The following CORO2B variants were observed in gnomAD, a reference collection of about 807,000 sequenced individuals.
The protein encoded by CORO2B is coronin-2B.
CORO2B carries 26 observed loss-of-function variants against 58.8 expected under a neutral mutation model. That is an observed-to-expected ratio of 0.44 (90% confidence interval 0.32 to 0.61). The LOEUF (loss-of-function observed/expected upper bound fraction) is 0.61. Ranked by LOEUF, CORO2B falls within the 20% of genes least tolerant of loss-of-function variation. CORO2B has a pLI of 0.04. For missense variants in CORO2B, 460 were observed against 645.1 expected (o/e 0.71, Z 3.11); for synonymous variants, 242 against 253.8 (o/e 0.95, Z 0.44).
At chr15:68,707,667 A>G (rs1892814461) in intron 3 of CORO2B, among the ~76,000 whole-genome samples, 1 of 152,238 alleles carries the variant, frequency 6.6e-6, no homozygotes, top group Non-Finnish European at 1.5e-5. Flanking sequence ...CTGGGTAAAA[A>G]GAAAGAAGTG....
At chr15:68,567,131 G>A in the CORO2B span, among the ~76,000 whole-genome samples, 1 of 152,186 alleles carries the variant, frequency 6.6e-6, no homozygotes, top group African/African-American at 2.4e-5. Flanking sequence ...AAATAGTTCT[G>A]TCTCACAGCA....
the CORO2B span, among the ~76,000 whole-genome samples, chr15:68,534,104 G>A: frequency 6.6e-6 from 1 of 152,140 alleles, no homozygotes; most frequent in African/African-American, 2.4e-5. Context: ...GGATCCTCTG[G>A]CTAGAAAGGC....
intron 2 of CORO2B, among the ~76,000 whole-genome samples, chr15:68,694,105 G>A (rs1243263517): frequency 6.6e-6 from 1 of 152,072 alleles, no homozygotes; most frequent in Non-Finnish European, 1.5e-5. Context: ...CAAAGTGCTG[G>A]GATTACAGGT....
the CORO2B span, among the ~76,000 whole-genome samples, chr15:68,519,400 T>C: frequency 6.6e-6 from 1 of 152,248 alleles, no homozygotes; most frequent in African/African-American, 2.4e-5. Flanking sequence ...TATATTATCA[T>C]AGGTAATTCT....
the CORO2B span, among the ~76,000 whole-genome samples, chr15:68,565,901 C>T: frequency 2.6e-5 from 4 of 152,250 alleles, no homozygotes; most frequent in Non-Finnish European, 5.9e-5. Flanking sequence ...CATGTGGTTC[C>T]AGGCCCACAG....
chr15:68,689,999 T>G (rs940171785), intron 2 of CORO2B, among the ~76,000 whole-genome samples: 3 of 152,194 alleles, frequency 2.0e-5, no homozygotes, highest in Non-Finnish European at 4.4e-5. Context: ...TTGAGTAAAC[T>G]TGCAATTAAG....
At chr15:68,699,860 C>G (rs537496396) in intron 3 of CORO2B, among the ~76,000 whole-genome samples, 1 of 152,222 alleles carries the variant, frequency 6.6e-6, no homozygotes, top group Non-Finnish European at 1.5e-5. Context: ...AGGGAGGAAA[C>G]TGAGGCTCAG....
At chr15:68,721,606 T>G (rs2080072072) in intron 11 of CORO2B, among the ~76,000 whole-genome samples, 1 of 152,150 alleles carries the variant, frequency 6.6e-6, no homozygotes, top group Admixed American at 6.5e-5. Flanking sequence ...CTCAAGTGGC[T>G]GAGGCAGGAG....
chr15:68,574,277 A>C (rs533725202), upstream of CORO2B, among the ~76,000 whole-genome samples: 2 of 152,352 alleles, frequency 1.3e-5, no homozygotes, highest in Admixed American at 1.3e-4. Context: ...TGAGGGGGCC[A>C]GCATGTGGGC....
At chr15:68,544,892 T>G in the CORO2B span, among the ~76,000 whole-genome samples, 1 of 151,924 alleles carries the variant, frequency 6.6e-6, no homozygotes, top group Non-Finnish European at 1.5e-5. Flanking sequence ...TTCTCCTGCC[T>G]CAGCCTCCCG....
intron 1 of CORO2B, among the ~76,000 whole-genome samples, chr15:68,594,202 A>G (rs1193869214): frequency 6.6e-6 from 1 of 152,214 alleles, no homozygotes; most frequent in Non-Finnish European, 1.5e-5. Context: ...TCCACCTGGC[A>G]TGGAAGGCTC....
intron 2 of CORO2B, among the ~76,000 whole-genome samples, chr15:68,659,054 C>A (rs1901926043): frequency 6.6e-6 from 1 of 152,202 alleles, no homozygotes; most frequent in African/African-American, 2.4e-5. Flanking sequence ...TATATTTAGG[C>A]AAAACCTTCA....
upstream of CORO2B, chr15:68,578,979 C>T (rs1389988970): frequency 3.2e-6 from 3 of 943,822 alleles, no homozygotes; most frequent in Admixed American, 1.2e-4. The surrounding 1 kb of genome is among the most constrained non-coding windows in gnomAD (Gnocchi z 4.2). Flanking sequence ...CGGGCCCTCT[C>T]CCTCTCTCCC....
intron 1 of CORO2B, among the ~76,000 whole-genome samples, chr15:68,595,966 G>T (rs1416528780): frequency 6.6e-6 from 1 of 151,970 alleles, no homozygotes; most frequent in Non-Finnish European, 1.5e-5. Flanking sequence ...GGGCAGCGAC[G>T]CCGTGGGGTG....
intron 1 of CORO2B, among the ~76,000 whole-genome samples, chr15:68,602,874 C>A (rs973744441): frequency 6.6e-6 from 1 of 152,176 alleles, no homozygotes; most frequent in African/African-American, 2.4e-5. Flanking sequence ...ACTGCCTGTA[C>A]GAATCTTGCA....
chr15:68,532,099 A>G, the CORO2B span, among the ~76,000 whole-genome samples: 1 of 152,038 alleles, frequency 6.6e-6, no homozygotes, highest in South Asian at 2.1e-4. Flanking sequence ...TTTCATTACT[A>G]ATTTTCAACA....
intron 3 of CORO2B, among the ~76,000 whole-genome samples, chr15:68,699,057 A>C (rs1892580594): frequency 6.6e-6 from 1 of 152,172 alleles, no homozygotes; most frequent in Non-Finnish European, 1.5e-5. Flanking sequence ...TTAGAGAAGG[A>C]GTCCCAGGAA....
intron 1 of CORO2B, among the ~76,000 whole-genome samples, chr15:68,602,793 A>G (rs138369718): frequency 6.6e-6 from 1 of 152,242 alleles, no homozygotes; most frequent in Admixed American, 6.5e-5. Context: ...GAGAACACTA[A>G]GAAGCAATTC....
intron 1 of CORO2B, among the ~76,000 whole-genome samples, chr15:68,623,734 G>C (rs962297174): frequency 6.6e-6 from 1 of 152,204 alleles, no homozygotes; most frequent in Non-Finnish European, 1.5e-5. Flanking sequence ...AGGCAGGGCT[G>C]GGTGAGGATT....
Sources: allele counts gnomAD v4.1 joint callset (sites outside exome capture counted in the v4.1 genomes callset), GRCh38; gene constraint gnomAD v4.1.1; non-coding constraint Gnocchi (gnomAD v3.1); transcripts MANE v1.5; gene names NCBI Gene and HGNC (gene_info 2026-07-23, HGNC 2026-07-21).